The following TACC1 variants were observed in gnomAD, a reference collection of about 807,000 sequenced individuals.
TACC1 encodes transforming acidic coiled-coil-containing protein 1.
A neutral mutation model predicts 84.4 loss-of-function variants in TACC1; 48 were observed. The ratio of observed to expected loss-of-function variants is 0.57; its 90% confidence interval spans 0.45 to 0.72. The LOEUF (loss-of-function observed/expected upper bound fraction) is 0.72. TACC1 is among the 30% of genes least tolerant of loss of function. The pLI, the probability that TACC1 is intolerant of heterozygous loss-of-function variation, is 0.00. For synonymous variants in TACC1, 372 were observed against 376.3 expected (o/e 0.99, Z 0.13); for missense variants, 920 against 973.0 (o/e 0.95, Z 0.72).
At position 38,838,521 on chromosome 8, in the gene TACC1, A is replaced by C; in HGVS notation, c.1891A>C (p.Thr631Pro). ...ANEWKKKYEE[T>P]RQEVLEMRKI... ...TGAATGGAAGAAGAAATACGAAGAG[A>C]CCCGGCAAGAAGTTTTGGAGATGAG... Residue 631 changes from threonine to proline, a missense_variant, in exon 8 of 13, where the codon ACC (threonine) becomes CCC (proline). Physicochemically the swap from Thr to Pro is conservative, Grantham distance 38 (BLOSUM62 -1). Transcript: ENST00000317827. 1 of 1,613,938 alleles carries C rather than the reference A, an allele frequency of 6.2e-7. No homozygotes were observed. Among genetic ancestry groups the C allele is most frequent in the Non-Finnish European group, 8.5e-7 (1 of 1,179,848 alleles).
intron 3 of TACC1, among the ~76,000 whole-genome samples, chr8:38,756,417 A>G (rs1357704476): frequency 1.3e-5 from 2 of 152,050 alleles, no homozygotes; most frequent in Non-Finnish European, 2.9e-5. Context: ...CTGCTGGAAA[A>G]AGCGCTAGAA....
chr8:38,788,806 G>T lies in TACC1; in HGVS notation c.264G>T (p.Gly88=), dbSNP rs1292057969. 6.2e-7 allele frequency: 1 copy of T among 1,607,202 alleles called. No homozygotes were observed. The highest frequency in any genetic ancestry group is 1.3e-5 in the African/African-American group (1 of 74,500). The change falls in exon 2 of 13, where the codon GGG becomes GGT. Residue 88 remains glycine (G), a synonymous_variant. Transcript: ENST00000317827. ...CDPSLGLAGP[G]AKSQESQEAD... ...CATCACTCGGATTGGCAGGACCTGG[G>T]GCCAAAAGCCAAGGTAAAGAAAAAC...
chr8:38,757,539 C>T, intron 3 of TACC1: 2 of 1,090,446 alleles, frequency 1.8e-6, no homozygotes, highest in Non-Finnish European at 2.3e-6. Flanking sequence ...GGGGCACGAG[C>T]GCTCGGCAGC....
At chr8:38,780,513 C>T (rs1335703735) in intron 3 of TACC1, among the ~76,000 whole-genome samples, 1 of 152,062 alleles carries the variant, frequency 6.6e-6, no homozygotes, top group Non-Finnish European at 1.5e-5. Context: ...AAGATCTTTT[C>T]CTGGGCTTTC....
chr8:38,783,098 CTATCTATCTATATATA>C (rs1250882600), upstream of TACC1, among the ~76,000 whole-genome samples: 33 of 116,412 alleles, frequency 2.8e-4, no homozygotes, highest in East Asian at 4.6e-3. Context: ...ATCTATCTAT[CTATCTATCTATATATA>C]TATATATATA....
chr8:38,760,157 C>T (rs1371154049), intron 3 of TACC1, among the ~76,000 whole-genome samples: 1 of 152,014 alleles, frequency 6.6e-6, no homozygotes, highest in South Asian at 2.1e-4. Flanking sequence ...TAATCAGGTA[C>T]TAAAAGTAAC....
Position 38,747,595 on chromosome 8 carries a change from T to C in TACC1, c.26+2102T>C, listed in dbSNP as rs151256056. ...CATATTACTAACTGAAAAAAGCCAA[T>C]TTGAAAGGGCTGTGTACTGGATGGG... On this transcript the variant is annotated intron_variant, in intron 3 of 14. Coordinates refer to the TACC1 transcript ENST00000518415. Among the ~76,000 whole-genome samples the C allele has an allele frequency of 2.4e-3, 360 of 152,206 alleles. 1 individual carries two copies. Among genetic ancestry groups the C allele is most frequent in the African/African-American group, 8.4e-3 (349 of 41,546 alleles).
intron 3 of TACC1, among the ~76,000 whole-genome samples, chr8:38,769,710 G>T (rs1362819319): frequency 7.4e-6 from 1 of 134,508 alleles, no homozygotes; most frequent in Non-Finnish European, 1.6e-5. Flanking sequence ...TTGTGTGTGT[G>T]GTGTGTGTGT....
chr8:38,810,353 C>A (rs1283902925), intron 2 of TACC1, among the ~76,000 whole-genome samples: 1 of 152,072 alleles, frequency 6.6e-6, no homozygotes, highest in East Asian at 1.9e-4. Context: ...GTAGTCTTAG[C>A]ATTTTGGGAA....
chr8:38,812,393 C>T (rs561095692), intron 2 of TACC1, among the ~76,000 whole-genome samples: 8 of 152,218 alleles, frequency 5.3e-5, no homozygotes, highest in Admixed American at 1.3e-4. Flanking sequence ...ATGTCACCCC[C>T]GGCGGCGGCC....
upstream of TACC1, among the ~76,000 whole-genome samples, chr8:38,786,380 GACTT>G (rs1297190969): frequency 6.6e-6 from 1 of 152,166 alleles, no homozygotes; most frequent in Non-Finnish European, 1.5e-5. Context: ...AGAAATCAAA[GACTT>G]AGAAGTTACG....
At chr8:38,748,706 A>G (rs766731377) in intron 3 of TACC1, among the ~76,000 whole-genome samples, 28 of 152,160 alleles carry the variant, frequency 1.8e-4, no homozygotes, top group Non-Finnish European at 4.0e-4. Context: ...TATTGGGCTA[A>G]AGACTAAATC....
chr8:38,840,463 C>T, intron 9 of TACC1, 196 bp downstream of exon 9: 1 of 471,564 alleles, frequency 2.1e-6, no homozygotes, highest in Non-Finnish European at 3.8e-6. Flanking sequence ...AAGGGGCTGG[C>T]TAGCTCTCTG....
At chr8:38,753,767 A>T (rs1049613251) in intron 3 of TACC1, among the ~76,000 whole-genome samples, 1 of 152,156 alleles carries the variant, frequency 6.6e-6, no homozygotes, top group Non-Finnish European at 1.5e-5. Context: ...ACCAGCCAAC[A>T]CACAAGCATC....
chr8:38,765,428 G>A (rs1812053711), intron 3 of TACC1, among the ~76,000 whole-genome samples: 1 of 152,090 alleles, frequency 6.6e-6, no homozygotes, highest in Non-Finnish European at 1.5e-5. Context: ...GATAAGTGCT[G>A]GATCTCTTCT....
At chr8:38,777,200 G>A (rs1050925323) in intron 3 of TACC1, among the ~76,000 whole-genome samples, 2 of 151,010 alleles carry the variant, frequency 1.3e-5, no homozygotes, top group Admixed American at 1.3e-4. Flanking sequence ...AGGTTGCAGT[G>A]AGCCGAGATC....
chr8:38,822,295 A>T (rs1827053889), intron 3 of TACC1, among the ~76,000 whole-genome samples: 1 of 151,928 alleles, frequency 6.6e-6, no homozygotes. Context: ...CACAATGGTA[A>T]GTATTTGTGT....
At chr8:38,786,857 G>A (rs1489815104), upstream of TACC1, among the ~76,000 whole-genome samples, 1 of 151,834 alleles carries the variant, frequency 6.6e-6, no homozygotes, top group Non-Finnish European at 1.5e-5. Flanking sequence ...CAAGGGGCTT[G>A]TGTGCAGTCC....
In TACC1 at chr8:38,848,419, T is replaced by A. The variant is rs1832683245; in HGVS notation, c.*396T>A. 1 of 157,084 alleles carries A rather than the reference T, an allele frequency of 6.4e-6. No homozygotes were observed. Among genetic ancestry groups the A allele is most frequent in the Admixed American group, 6.5e-5 (1 of 15,472 alleles). 9.7% of individuals were successfully genotyped at this position (157,084 alleles called of 1,614,324 possible). A position where few individuals can be genotyped will look rare whatever the true frequency, so the allele number is the denominator to read the frequency against. ...TCTGATTTTTTTGTGATCTGTTTAA[T>A]CTTTTAATTTTTTAGTATCAGTGGT... On this transcript the variant is annotated 3_prime_UTR_variant, in exon 13 of 13. Coordinates refer to ENST00000317827, the MANE Select transcript of TACC1 (RefSeq NM_006283.3).
Sources: allele counts gnomAD v4.1 joint callset (sites outside exome capture counted in the v4.1 genomes callset), GRCh38; gene constraint gnomAD v4.1.1; transcripts MANE v1.5; gene names NCBI Gene and HGNC (gene_info 2026-07-23, HGNC 2026-07-21).